The following UBE2D1 variants were observed in gnomAD, a reference collection of about 807,000 sequenced individuals.
UBE2D1 encodes the protein ubiquitin-conjugating enzyme E2 D1.
Under a neutral mutation model 24.6 loss-of-function variants are expected in UBE2D1, and 9 were observed. The observed-to-expected ratio is 0.37, with a 90% CI of 0.22 to 0.64. The LOEUF (loss-of-function observed/expected upper bound fraction) is 0.64, where lower values mean the gene tolerates loss of function less well. Among genes scored for constraint, UBE2D1 ranks in the 30% least tolerant of loss-of-function variants. The probability of loss-of-function intolerance (pLI) is 0.64; values close to 1 mark genes in which losing one functional copy is unlikely to be tolerated. For synonymous variants in UBE2D1, 57 were observed against 57.6 expected (o/e 0.99, Z 0.04); for missense variants, 87 against 177.1 (o/e 0.49, Z 2.89).
chr10:58,346,401 G>A (rs1840017967), intron 1 of UBE2D1, among the ~76,000 whole-genome samples: 1 of 152,176 alleles, frequency 6.6e-6, no homozygotes, highest in South Asian at 2.1e-4. Context: ...TTAATGTCAT[G>A]AAAAGGGATG....
chr10:58,335,038 A>T lies in UBE2D1; in HGVS notation c.-164A>T. 1.5e-6 allele frequency: 1 copy of T among 656,404 alleles called. No individual in the cohort carries two copies. The highest frequency in any genetic ancestry group is 2.5e-6 in the Non-Finnish European group (1 of 406,496). The allele number at this position is 656,404 out of a possible 1,614,324, so 40.7% of individuals were successfully genotyped here. ...CGCGCACACTCGCGCTCGGGCGCAC[A>T]CGGAGCAGGGACCGGCGCCCGGAGC... On this transcript the variant is annotated 5_prime_UTR_variant, in exon 1 of 7. Transcript: ENST00000373910.
chr10:58,356,652 C>T (rs1840134065), intron 1 of UBE2D1, among the ~76,000 whole-genome samples: 1 of 152,108 alleles, frequency 6.6e-6, no homozygotes. Context: ...TACCAAATTT[C>T]CCTCCAAAAG....
chr10:58,363,343 C>G (rs1179819156), intron 3 of UBE2D1, among the ~76,000 whole-genome samples: 3 of 152,036 alleles, frequency 2.0e-5, no homozygotes, highest in African/African-American at 7.2e-5. Context: ...CTGTGTGTGT[C>G]CTGTTTTTGT....
intron 1 of UBE2D1, among the ~76,000 whole-genome samples, chr10:58,341,977 C>T (rs1420660628): frequency 1.3e-5 from 2 of 152,268 alleles, no homozygotes; most frequent in African/African-American, 4.8e-5. Flanking sequence ...AGGGGTAGGT[C>T]CTCAGGCCAC....
At chr10:58,346,700 A>G (rs1840021365) in intron 1 of UBE2D1, among the ~76,000 whole-genome samples, 1 of 152,170 alleles carries the variant, frequency 6.6e-6, no homozygotes, top group Admixed American at 6.5e-5. Flanking sequence ...AAGGTCTGGC[A>G]AGTCATTTTA....
At chr10:58,356,966 G>A (rs1840137864) in intron 1 of UBE2D1, among the ~76,000 whole-genome samples, 1 of 152,144 alleles carries the variant, frequency 6.6e-6, no homozygotes, top group African/African-American at 2.4e-5. Context: ...AGGAAGCCTG[G>A]GGGGCTTATG....
intron 1 of UBE2D1, among the ~76,000 whole-genome samples, chr10:58,339,559 A>G (rs1248823290): frequency 6.6e-6 from 1 of 152,040 alleles, no homozygotes; most frequent in East Asian, 1.9e-4. Flanking sequence ...TGTAATCGTT[A>G]CTCTGCCTTC....
At chr10:58,358,005 AAATAAT>A (rs199738140) in intron 1 of UBE2D1, among the ~76,000 whole-genome samples, 26 of 152,044 alleles carry the variant, frequency 1.7e-4, no homozygotes, top group Non-Finnish European at 3.5e-4. Flanking sequence ...AGTGCATCAA[AAATAAT>A]AATAATAACA....
rs111825710 is a variant in UBE2D1 at position 58,363,611 on chromosome 10, T to C, written c.123T>C (p.Pro41=). Residue 41 remains proline, a splice_region_variant and synonymous_variant, in exon 4 of 7, where the codon CCT becomes CCC. Coordinates refer to ENST00000373910, the MANE Select transcript of UBE2D1 (RefSeq NM_003338.5). ...FHWQATIMGP[P]DSAYQGGVFF... Reference sequence around the variant, plus strand: ...ATGCAAATCTTTTGTAATTTCAGCCTGATAGCGCATATCAAGGTGGAGTCT... The same window carrying C: ...ATGCAAATCTTTTGTAATTTCAGCCCGATAGCGCATATCAAGGTGGAGTCT... 6.2e-7 allele frequency: 1 copy of C among 1,605,696 alleles called. No individual in the cohort carries two copies. The highest frequency in any genetic ancestry group is 8.5e-7 in the Non-Finnish European group (1 of 1,176,758).
chr10:58,361,338 GA>G lies in UBE2D1; in HGVS notation c.27del (p.Glu9AspfsTer2). 6.2e-7 allele frequency: 1 copy of G among 1,614,166 alleles called. No individual in the cohort carries two copies. Among genetic ancestry groups the G allele is most frequent in the Non-Finnish European group, 8.5e-7 (1 of 1,180,018 alleles). Reference protein sequence around the residue: MALKRIQKELSDLQRDPPA... With the variant: MALKRIQKXLSDLQRDPPA... ...CTTACATATTTTTGATTTCCTTCAG[GA>G]ATTGAGTGATCTACAGCGCGATCCA... On this transcript the variant is annotated frameshift_variant and splice_region_variant, in exon 2 of 7. Coordinates refer to ENST00000373910, the MANE Select transcript of UBE2D1 (RefSeq NM_003338.5). LOFTEE classifies it high-confidence loss of function.
chr10:58,344,747 C>T (rs991384938), intron 1 of UBE2D1, among the ~76,000 whole-genome samples: 2 of 152,090 alleles, frequency 1.3e-5, no homozygotes, highest in Admixed American at 6.5e-5. Context: ...TAACGTGGTT[C>T]TCTAATTCCA....
intron 1 of UBE2D1, among the ~76,000 whole-genome samples, chr10:58,345,523 T>C (rs1344457390): frequency 6.6e-6 from 1 of 152,176 alleles, no homozygotes; most frequent in Non-Finnish European, 1.5e-5. Context: ...ACAAGGCATA[T>C]ATTAAATGCA....
chr10:58,336,764 T>C (rs1158906974), intron 1 of UBE2D1, among the ~76,000 whole-genome samples: 2 of 152,214 alleles, frequency 1.3e-5, no homozygotes, highest in Non-Finnish European at 2.9e-5. Flanking sequence ...AGTTTTCAAA[T>C]TCTATTTCCT....
Position 58,370,020 on chromosome 10 carries a change from G to GA in UBE2D1, c.*1257dup, listed in dbSNP as rs1372498255. 1 of 150,482 alleles carries GA rather than the reference G, an allele frequency of 6.6e-6. No homozygotes were observed. The highest frequency in any genetic ancestry group is 1.5e-5 in the Non-Finnish European group (1 of 67,598). 9.3% of individuals were successfully genotyped at this position (150,482 alleles called of 1,614,324 possible). On this transcript the variant is annotated 3_prime_UTR_variant, in exon 7 of 7. Transcript: ENST00000373910. Reference sequence around the variant, plus strand: ...TTTAAAATCTAGAATTTCTAAAATGGAATTTAATGCCATCACAATTTGAAA... The same window carrying GA: ...TTTAAAATCTAGAATTTCTAAAATGGAAATTTAATGCCATCACAATTTGAAA...
chr10:58,365,439 T>TAA (rs570926766), intron 5 of UBE2D1, among the ~76,000 whole-genome samples: 102 of 152,350 alleles, frequency 6.7e-4, no homozygotes, highest in African/African-American at 2.1e-3. Context: ...CCAGATTTGA[T>TAA]TGATAAATGA....
At chr10:58,359,469 C>T (rs1418529744) in intron 1 of UBE2D1, among the ~76,000 whole-genome samples, 1 of 152,090 alleles carries the variant, frequency 6.6e-6, no homozygotes, top group East Asian at 1.9e-4. Flanking sequence ...CAATGATTTT[C>T]CAATTTCTAT....
At chr10:58,358,968 C>A (rs1475783823) in intron 1 of UBE2D1, among the ~76,000 whole-genome samples, 2 of 148,694 alleles carry the variant, frequency 1.3e-5, no homozygotes, top group African/African-American at 5.0e-5. Context: ...AGCAGCTAAC[C>A]CTGTTAGTTA....
At chr10:58,366,281 T>C (rs1188176217) in intron 5 of UBE2D1, among the ~76,000 whole-genome samples, 3 of 152,188 alleles carry the variant, frequency 2.0e-5, no homozygotes, top group Non-Finnish European at 4.4e-5. Context: ...CTGGAAACCA[T>C]CCTGTGAGAA....
intron 1 of UBE2D1, among the ~76,000 whole-genome samples, chr10:58,343,812 G>T (rs1168439726): frequency 2.0e-5 from 3 of 152,142 alleles, no homozygotes; most frequent in Non-Finnish European, 4.4e-5. Flanking sequence ...CAGTTATTAG[G>T]TATAGAGCTG....
Sources: gnomAD v4.1 joint callset for allele counts (sites outside exome capture counted in the v4.1 genomes callset) on GRCh38, gnomAD v4.1.1 for gene constraint, MANE v1.5 for transcripts, NCBI Gene and HGNC (gene_info 2026-07-23, HGNC 2026-07-21) for gene names.